GMFG: variants seen among roughly 807,000 people sequenced by gnomAD.
The protein encoded by GMFG is glia maturation factor gamma.
GMFG carries 21 observed loss-of-function variants against 26.1 expected under a neutral mutation model. That is an observed-to-expected ratio of 0.80 (90% CI 0.57 to 1.16). The LOEUF is 1.16. Ranked by LOEUF, GMFG falls within the 50% of genes most tolerant of loss-of-function variation. The pLI is 0.00. For missense variants in GMFG, 161 were observed against 178.3 expected, an observed-to-expected ratio of 0.90 and a Z score of 0.55; for synonymous variants, 65 against 60.8, an observed-to-expected ratio of 1.07 and a Z score of -0.32.
intron 4 of GMFG, among the ~76,000 whole-genome samples, chr19:39,331,399 C>A (rs2075225803): frequency 6.6e-6 from 1 of 152,238 alleles, no homozygotes; most frequent in South Asian, 2.1e-4. Flanking sequence ...GTGAGGCCCC[C>A]TCCTGGGTGC....
chr19:39,329,464 G>T, intron 5 of GMFG, 80 bp downstream of exon 5: 1 of 815,258 alleles, frequency 1.2e-6, no homozygotes, highest in Non-Finnish European at 2.1e-6. Flanking sequence ...ACAAGTGCCT[G>T]CACACATTCG....
intron 4 of GMFG, among the ~76,000 whole-genome samples, chr19:39,332,656 CT>C (rs59277772): frequency 1.3e-4 from 14 of 111,298 alleles, no homozygotes; most frequent in Admixed American, 2.3e-4. Flanking sequence ...CACAGAGATT[CT>C]TTTTTTTTTT....
At chr19:39,329,118 G>T in intron 5 of GMFG, 45 bp from the exon 6 acceptor site, 2 of 1,374,110 alleles carry the variant, frequency 1.5e-6, no homozygotes, top group Admixed American at 1.7e-5. Context: ...GGACCCAGGC[G>T]TGTTCTCTAA....
chr19:39,333,973 G>C (rs1409206060), intron 3 of GMFG, among the ~76,000 whole-genome samples: 1 of 151,274 alleles, frequency 6.6e-6, no homozygotes, highest in Admixed American at 6.6e-5. Flanking sequence ...AGGCCACCAG[G>C]GGGGTGAGGT....
intron 3 of GMFG, among the ~76,000 whole-genome samples, chr19:39,334,051 C>T (rs1043297987): frequency 8.9e-6 from 1 of 112,390 alleles, no homozygotes; most frequent in Admixed American, 1.3e-4. Flanking sequence ...GAGACAGAGT[C>T]TGTCGCCCAG....
At chr19:39,335,833 C>T in intron 1 of GMFG, 141 bp downstream of exon 1, 2 of 712,920 alleles carry the variant, frequency 2.8e-6, no homozygotes, top group African/African-American at 1.7e-5. Context: ...CTCTGTTCTT[C>T]CAGCCGGGCT....
intron 2 of GMFG, 33 bp downstream of exon 2, chr19:39,335,402 T>A: frequency 6.3e-7 from 1 of 1,585,512 alleles, no homozygotes; most frequent in African/African-American, 1.3e-5. Context: ...ACCACCGCCC[T>A]CCCATCCTTC....
rs779632252 is a variant in GMFG, at chr19:39,328,516, A to G, written c.390T>C (p.Thr130=). 2 of 1,613,416 alleles carry G rather than the reference A, an allele frequency of 1.2e-6. No homozygotes were observed. The highest frequency in any genetic ancestry group is 1.7e-6 in the Non-Finnish European group (2 of 1,179,410). ...ACAACTTTTCTTGGAGCCAGGCCTC[A>G]GTGAGGTCATCAGTGGTGCGGATTT... ...VFEIRTTDDL[T]EAWLQEKLSF... The change falls in exon 7 of 7, where the codon ACT becomes ACC. Residue 130 remains threonine, a synonymous_variant. Coordinates refer to ENST00000597595, the MANE Select transcript of GMFG (RefSeq NM_004877.4).
At position 39,329,561 on chromosome 19, in the gene GMFG, A is replaced by C; in HGVS notation, c.266T>G (p.Ile89Ser). ...DGRVSYPLCFIFSSPVGCKPE... is the reference protein window; with the variant it reads ...DGRVSYPLCFSFSSPVGCKPE... The stretch of plus-strand genomic sequence containing the variant: ...TGTCTCACCCACAGGGCTGGAGAAG[A>C]TGAAACACAAAGGGTAGGACACTCG... The change falls in exon 5 of 7, where the codon ATC (isoleucine) becomes AGC (serine). Residue 89 changes from isoleucine to serine, a missense_variant. Transcript: ENST00000597595. The C allele has an allele frequency of 6.2e-7, 1 of 1,603,912 alleles. No homozygotes were observed. The highest frequency in any genetic ancestry group is 1.7e-5 in the Admixed American group (1 of 59,966).
At chr19:39,332,335 A>AC (rs976472437) in intron 4 of GMFG, among the ~76,000 whole-genome samples, 3 of 98,728 alleles carry the variant, frequency 3.0e-5, no homozygotes, top group Admixed American at 1.8e-4. Flanking sequence ...GTCTCTAACA[A>AC]AAAAAAAAAA....
rs371454280 is a variant in GMFG at position 39,333,569 on chromosome 19, G to A, written c.151-443C>T. ...CACTCCAGCCTGAGCAAAAAAGATCGAAACTCCGTCTCAAAAAAAAAAAAA... is the reference window on the plus strand; with the variant it reads ...CACTCCAGCCTGAGCAAAAAAGATCAAAACTCCGTCTCAAAAAAAAAAAAA... On this transcript the variant is annotated intron_variant, in intron 3 of 6. Coordinates refer to ENST00000597595, the MANE Select transcript of GMFG (RefSeq NM_004877.4). Among the ~76,000 whole-genome samples, 11 of 116,746 alleles carry A rather than the reference G, an allele frequency of 9.4e-5. No individual in the cohort carries two copies. The East Asian group carries it at 1.9e-3, about 20-fold the overall frequency. 76.6% of individuals were successfully genotyped at this position (116,746 alleles called of 152,430 possible).
rs200517926 is a variant in GMFG at position 39,329,653 on chromosome 19, G to A, written c.201-27C>T. On this transcript the variant is annotated intron_variant, in intron 4 of 6. Transcript: ENST00000597595. Reference sequence around the variant, plus strand: ...TACCGTGAAAGGGAATTGAAAATCAGGACTCTGGCCTGCAGCCCAGGCTTA... The same window carrying A: ...TACCGTGAAAGGGAATTGAAAATCAAGACTCTGGCCTGCAGCCCAGGCTTA... 5.3e-5 allele frequency: 76 copies of A among 1,446,650 alleles called. No homozygotes were observed. In the East Asian group the frequency reaches 1.5e-3, roughly 29 times the overall value. 89.6% of individuals were successfully genotyped at this position (1,446,650 alleles called of 1,614,324 possible). A position where few individuals can be genotyped will look rare whatever the true frequency, so the allele number is the denominator to read the frequency against.
In GMFG at chr19:39,328,567, C is replaced by T. The variant is rs751377742; in HGVS notation, c.358-19G>A. On this transcript the variant is annotated intron_variant, in intron 6 of 6. Coordinates refer to ENST00000597595, the MANE Select transcript of GMFG (RefSeq NM_004877.4). ...CGAACACCTGGGCAGAGAGAGGTCT[C>T]GGCATTATGATCTACTCAAACACTG... 2.5e-6 allele frequency: 4 copies of T among 1,589,144 alleles called. No individual in the cohort carries two copies. Among genetic ancestry groups the T allele is most frequent in the South Asian group, 1.1e-5 (1 of 90,592 alleles).
chr19:39,335,956 G>T lies in GMFG; in HGVS notation c.3+18C>A. 2 of 1,497,880 alleles carry T rather than the reference G, an allele frequency of 1.3e-6. No homozygotes were observed. Among genetic ancestry groups the T allele is most frequent in the Non-Finnish European group, 1.9e-6 (2 of 1,074,458 alleles). 92.8% of individuals were successfully genotyped at this position (1,497,880 alleles called of 1,614,324 possible). A position where few individuals can be genotyped will look rare whatever the true frequency, so the allele number is the denominator to read the frequency against. ...AACCCCAGCCCCAGCTCTTCCCATA[G>T]AACCCCTGGCCCCTGACCATGATTG... On this transcript the variant is annotated intron_variant, in intron 1 of 6. Transcript: ENST00000597595.
intron 4 of GMFG, among the ~76,000 whole-genome samples, chr19:39,330,744 G>A (rs539936200): frequency 2.6e-5 from 4 of 151,942 alleles, no homozygotes; most frequent in African/African-American, 4.8e-5. Context: ...TTACAGGGGC[G>A]TGCCACCACA....
chr19:39,328,865 G>A (rs1156909938), intron 6 of GMFG, 135 bp downstream of exon 6: 5 of 713,986 alleles, frequency 7.0e-6, no homozygotes, highest in East Asian at 5.3e-5. Context: ...ATGACAGAGC[G>A]AGACCCAGTT....
At chr19:39,333,971 A>T (rs916419544) in intron 3 of GMFG, among the ~76,000 whole-genome samples, 37 of 146,338 alleles carry the variant, frequency 2.5e-4, no homozygotes, top group Admixed American at 1.6e-3. Context: ...TGAGGCCACC[A>T]GGGGGGTGAG....
At chr19:39,331,127 T>A (rs1367784014) in intron 4 of GMFG, among the ~76,000 whole-genome samples, 1 of 152,114 alleles carries the variant, frequency 6.6e-6, no homozygotes, top group Admixed American at 6.6e-5. Flanking sequence ...GAACACCCTG[T>A]AACTTGTCAG....
At chr19:39,331,367 A>G (rs958358935) in intron 4 of GMFG, among the ~76,000 whole-genome samples, 1 of 152,228 alleles carries the variant, frequency 6.6e-6, no homozygotes, top group Non-Finnish European at 1.5e-5. Flanking sequence ...ACTATAAAGA[A>G]GGTGACCGTT....
Sources: allele counts gnomAD v4.1 joint callset (sites outside exome capture counted in the v4.1 genomes callset), GRCh38; gene constraint gnomAD v4.1.1; transcripts MANE v1.5; gene names NCBI Gene and HGNC (gene_info 2026-07-23, HGNC 2026-07-21).